SNTG1: variants seen among roughly 807,000 people sequenced by gnomAD.
The protein encoded by SNTG1 is syntrophin gamma 1.
Under a neutral mutation model 74.7 loss-of-function variants are expected in SNTG1, and 39 were observed. The ratio of observed to expected loss-of-function variants is 0.52; its 90% CI spans 0.40 to 0.68. SNTG1 has a LOEUF of 0.68. SNTG1 is among the 30% of genes least tolerant of loss of function. The pLI is 0.00. For synonymous variants in SNTG1, 254 were observed against 217.1 expected, an observed-to-expected ratio of 1.17 and a Z score of -1.49; for missense variants, 685 against 609.5, an observed-to-expected ratio of 1.12 and a Z score of -1.30.
chr8:50,631,464 T>A (rs2094996792), intron 13 of SNTG1, among the ~76,000 whole-genome samples: 1 of 152,184 alleles, frequency 6.6e-6, no homozygotes, highest in Admixed American at 6.6e-5. Flanking sequence ...ACATTCTTTT[T>A]ATTTTTTTGG....
At chr8:50,236,351 TCTC>T (rs2085894341) in intron 2 of SNTG1, among the ~76,000 whole-genome samples, 1 of 152,114 alleles carries the variant, frequency 6.6e-6, no homozygotes. Flanking sequence ...TCTTAAACCT[TCTC>T]CTTCCAAGGT....
At position 49,957,124 on chromosome 8, in the gene SNTG1, C is replaced by G. The variant is rs16914090; in HGVS notation, c.-103+44893C>G. ...CTAACAAAAGTAGCATAGTCAGTAA[C>G]CTAACCCAGTTCTAGAAGCACATCA... is the stretch of plus-strand genomic sequence containing the variant. On this transcript the variant is annotated intron_variant, in intron 1 of 18. Transcript: ENST00000642720. Among the ~76,000 whole-genome samples the G allele has an allele frequency of 1.5e-3, 224 of 152,260 alleles. 2 individuals carry two copies. The highest frequency in any genetic ancestry group is 5.0e-3 in the African/African-American group (208 of 41,568).
chr8:50,096,473 C>A (rs1394565769), intron 1 of SNTG1, among the ~76,000 whole-genome samples: 1 of 152,180 alleles, frequency 6.6e-6, no homozygotes, highest in African/African-American at 2.4e-5. Context: ...CCAAATGAAT[C>A]TACCCTTGAA....
chr8:50,666,931 C>A (rs1047955148), intron 15 of SNTG1, among the ~76,000 whole-genome samples: 1 of 151,836 alleles, frequency 6.6e-6, no homozygotes. Flanking sequence ...CCCATATTTA[C>A]TTAAATGTGA....
intron 2 of SNTG1, among the ~76,000 whole-genome samples, chr8:50,334,881 T>A (rs551272682): frequency 6.6e-6 from 1 of 152,312 alleles, no homozygotes; most frequent in South Asian, 2.1e-4. Flanking sequence ...ATGCACCTCT[T>A]CTCCTGCACT....
chr8:50,237,306 G>A (rs1245580437), intron 2 of SNTG1, among the ~76,000 whole-genome samples: 1 of 152,006 alleles, frequency 6.6e-6, no homozygotes, highest in Non-Finnish European at 1.5e-5. Flanking sequence ...GGAGCTCTAA[G>A]GTTGATAAAA....
intron 13 of SNTG1, among the ~76,000 whole-genome samples, chr8:50,606,463 G>A (rs562704910): frequency 1.8e-4 from 27 of 151,904 alleles, no homozygotes; most frequent in African/African-American, 6.5e-4. Context: ...TTAGTTTCCT[G>A]CATTATTTCT....
intron 2 of SNTG1, among the ~76,000 whole-genome samples, chr8:50,181,006 T>G (rs1331127103): frequency 6.6e-6 from 1 of 152,120 alleles, no homozygotes; most frequent in Non-Finnish European, 1.5e-5. Context: ...TCAGGTGATC[T>G]GCCTGTTTCA....
At chr8:50,277,064 A>AT (rs2088156598) in intron 2 of SNTG1, among the ~76,000 whole-genome samples, 1 of 151,970 alleles carries the variant, frequency 6.6e-6, no homozygotes, top group Non-Finnish European at 1.5e-5. Flanking sequence ...TCCTGACCTT[A>AT]TGATCCACCT....
intron 1 of SNTG1, among the ~76,000 whole-genome samples, chr8:50,001,225 T>C (rs1317808805): frequency 6.6e-6 from 1 of 152,050 alleles, no homozygotes; most frequent in Admixed American, 6.6e-5. Flanking sequence ...GTGTGAAACC[T>C]ATCTGGGTTT....
intron 2 of SNTG1, among the ~76,000 whole-genome samples, chr8:50,303,731 AG>A (rs1467648655): frequency 6.6e-6 from 1 of 152,090 alleles, no homozygotes; most frequent in Non-Finnish European, 1.5e-5. Flanking sequence ...TTAATGTTTT[AG>A]CTTGTGAGAT....
intron 17 of SNTG1, among the ~76,000 whole-genome samples, chr8:50,723,633 T>G (rs1254154490): frequency 6.6e-6 from 1 of 152,188 alleles, no homozygotes; most frequent in Non-Finnish European, 1.5e-5. Flanking sequence ...TTTAATATGT[T>G]TATTTTACAA....
chr8:50,201,924 A>G (rs1442059993), intron 2 of SNTG1, among the ~76,000 whole-genome samples: 3 of 152,156 alleles, frequency 2.0e-5, no homozygotes, highest in African/African-American at 4.8e-5. Flanking sequence ...TCAAACAGCC[A>G]TTTACTGATG....
At chr8:50,728,212 T>C (rs1356092525) in intron 17 of SNTG1, among the ~76,000 whole-genome samples, 1 of 152,110 alleles carries the variant, frequency 6.6e-6, no homozygotes, top group Non-Finnish European at 1.5e-5. Flanking sequence ...TGTCCCCTTC[T>C]CATAGTATAT....
intron 1 of SNTG1, among the ~76,000 whole-genome samples, chr8:50,062,243 C>T (rs1006898089): frequency 2.6e-5 from 4 of 152,074 alleles, no homozygotes; most frequent in African/African-American, 4.8e-5. Context: ...GACAAGGTTT[C>T]GCCATGTTGG....
chr8:49,940,668 C>T (rs1446466999), intron 1 of SNTG1, among the ~76,000 whole-genome samples: 1 of 152,080 alleles, frequency 6.6e-6, no homozygotes, highest in Non-Finnish European at 1.5e-5. Flanking sequence ...CTAACATGTG[C>T]CCAATATTGT....
intron 17 of SNTG1, among the ~76,000 whole-genome samples, chr8:50,740,507 G>A (rs1183904710): frequency 6.6e-6 from 1 of 152,044 alleles, no homozygotes; most frequent in Admixed American, 6.6e-5. Flanking sequence ...TGACAAGGTT[G>A]TAGAGAAAAA....
intron 17 of SNTG1, among the ~76,000 whole-genome samples, chr8:50,737,744 G>A (rs2095532533): frequency 6.6e-6 from 1 of 152,046 alleles, no homozygotes; most frequent in African/African-American, 2.4e-5. Context: ...GGGACATAAG[G>A]CTGTTTCAAC....
intron 8 of SNTG1, among the ~76,000 whole-genome samples, chr8:50,471,331 ATATACT>A (rs1480123263): frequency 3.3e-5 from 5 of 151,896 alleles, no homozygotes; most frequent in Non-Finnish European, 7.4e-5. Flanking sequence ...TACCTTTGCG[ATATACT>A]TATAGTCTAT....
Sources: allele counts gnomAD v4.1 joint callset (sites outside exome capture counted in the v4.1 genomes callset), GRCh38; gene constraint gnomAD v4.1.1; transcripts MANE v1.5; gene names NCBI Gene and HGNC (gene_info 2026-07-23, HGNC 2026-07-21).